Variants in TARS1 observed in about 807,000 individuals in gnomAD.
TARS1 encodes the protein threonine--tRNA ligase 1, cytoplasmic.
In TARS1, 57 loss-of-function variants were observed where a neutral mutation model predicts 97.7. The observed-to-expected ratio is 0.58, with a 90% confidence interval of 0.47 to 0.73. The LOEUF (loss-of-function observed/expected upper bound fraction) is 0.73. Among genes scored for constraint, TARS1 ranks in the 30% least tolerant of loss-of-function variants. TARS1 has a pLI of 0.00. For synonymous variants in TARS1, 312 were observed against 293.7 expected (o/e 1.06, Z -0.64); for missense variants, 806 against 888.3 (o/e 0.91, Z 1.18).
chr5:33,441,251 C>A, intron 1 of TARS1, 108 bp downstream of exon 1: 6 of 1,385,822 alleles, frequency 4.3e-6, no homozygotes, highest in Non-Finnish European at 6.1e-6. Flanking sequence ...GCCGGGACCG[C>A]GTGGGTCGGA....
intron 3 of TARS1, 35 bp from the exon 4 acceptor site, chr5:33,453,254 A>G: frequency 6.6e-7 from 1 of 1,518,556 alleles, no homozygotes; most frequent in Non-Finnish European, 8.8e-7. Context: ...GTACTTATAT[A>G]TGTGTGGACT....
At chr5:33,451,684 A>G (rs1050456612) in intron 3 of TARS1, among the ~76,000 whole-genome samples, 1 of 152,146 alleles carries the variant, frequency 6.6e-6, no homozygotes, top group African/African-American at 2.4e-5. Context: ...TTTTGTTACA[A>G]ATCTTAAAGA....
intron 3 of TARS1, chr5:33,452,251 C>G: frequency 4.0e-6 from 4 of 992,732 alleles, no homozygotes; most frequent in African/African-American, 1.6e-5. Flanking sequence ...TGCCTACCTT[C>G]GTTGAGATGT....
At chr5:33,463,665 G>A (rs2111594153) in intron 16 of TARS1, 88 bp from the exon 17 acceptor site, 1 of 1,152,390 alleles carries the variant, frequency 8.7e-7, no homozygotes, top group East Asian at 2.6e-5. Context: ...TCCAGGAAAA[G>A]ATACTGAAGA....
chr5:33,452,440 G>A lies in TARS1; in HGVS notation c.330-849G>A. The A allele has an allele frequency of 2.0e-6, 3 of 1,534,620 alleles. No individual in the cohort carries two copies. The South Asian group carries it at 3.6e-5, about 18-fold the overall frequency. On this transcript the variant is annotated intron_variant, in intron 3 of 18. Coordinates refer to ENST00000265112, the MANE Select transcript of TARS1 (RefSeq NM_152295.5). ...TGCCATGGCCTCCTCTTTTCTTCCT[G>A]TGAGTGCTTTATCCTCAAAGCCTTT...
chr5:33,463,418 ATT>A (rs1742386905), intron 16 of TARS1, among the ~76,000 whole-genome samples: 1 of 152,318 alleles, frequency 6.6e-6, no homozygotes, highest in African/African-American at 2.4e-5. Context: ...TTATTAAATC[ATT>A]TGTTACCTCC....
At position 33,467,548 on chromosome 5, in the gene TARS1, T is replaced by C; in HGVS notation, c.2024-12T>C. ...AGATTAAGTCTGACAAAGCTTTGTGTGTTTGTTTTAGTTGTTGGTGAAAAA... is the reference window on the plus strand; with the variant it reads ...AGATTAAGTCTGACAAAGCTTTGTGCGTTTGTTTTAGTTGTTGGTGAAAAA... On this transcript the variant is annotated splice_polypyrimidine_tract_variant and intron_variant, in intron 18 of 18. Coordinates refer to ENST00000265112, the MANE Select transcript of TARS1 (RefSeq NM_152295.5). 1 of 1,607,714 alleles carries C rather than the reference T, an allele frequency of 6.2e-7. No homozygotes were observed. The highest frequency in any genetic ancestry group is 1.1e-5 in the South Asian group (1 of 89,508).
intron 9 of TARS1, 145 bp downstream of exon 9, chr5:33,457,548 CT>C: frequency 1.2e-6 from 1 of 807,482 alleles, no homozygotes; most frequent in Admixed American, 2.8e-5. Flanking sequence ...CCTGTACAAA[CT>C]ATAAACACTT....
chr5:33,440,853 T>C (rs950279890), upstream of TARS1: 1 of 563,828 alleles, frequency 1.8e-6, no homozygotes, highest in Non-Finnish European at 3.2e-6. Context: ...AGAAGGGCTC[T>C]GTCACCCGAA....
At chr5:33,449,920 G>A (rs1741645123) in intron 3 of TARS1, among the ~76,000 whole-genome samples, 1 of 151,268 alleles carries the variant, frequency 6.6e-6, no homozygotes, top group Non-Finnish European at 1.5e-5. Context: ...ATGTGAATAT[G>A]TATGTATTCA....
intron 9 of TARS1, among the ~76,000 whole-genome samples, chr5:33,457,869 A>C (rs1315890574): frequency 6.7e-6 from 1 of 150,336 alleles, no homozygotes; most frequent in Non-Finnish European, 1.5e-5. Context: ...CTAAACTGGA[A>C]GTTAGGCTAG....
intron 1 of TARS1, among the ~76,000 whole-genome samples, chr5:33,444,036 A>C (rs971750535): frequency 5.9e-5 from 9 of 152,214 alleles, no homozygotes; most frequent in Admixed American, 5.9e-4. Context: ...TCAACTGATA[A>C]ATGGATAAGT....
chr5:33,458,485 C>G (rs2111564283), intron 9 of TARS1, 81 bp from the exon 10 acceptor site: 3 of 1,232,200 alleles, frequency 2.4e-6, no homozygotes, highest in East Asian at 4.9e-5. Context: ...ATTCTGAGCT[C>G]AAGAACACTG....
At chr5:33,454,567 T>A (rs913028702) in intron 4 of TARS1, among the ~76,000 whole-genome samples, 5 of 152,250 alleles carry the variant, frequency 3.3e-5, no homozygotes, top group African/African-American at 9.6e-5. Context: ...TCACAGTGTC[T>A]GAGACATGGT....
In TARS1 at chr5:33,453,356, C is replaced by T; in HGVS notation, c.397C>T (p.Leu133=). 1 of 1,611,130 alleles carries T rather than the reference C, an allele frequency of 6.2e-7. No homozygotes were observed. Among genetic ancestry groups the T allele is most frequent in the East Asian group, 2.2e-5 (1 of 44,744 alleles). ...TGTTGTGTGGGACCTGGACCGCCCTCTGGAAGAAGATTGTACCTTGGAGCT... is the reference window on the plus strand; with the variant it reads ...TGTTGTGTGGGACCTGGACCGCCCTTTGGAAGAAGATTGTACCTTGGAGCT... ...NNVVWDLDRP[L]EEDCTLELLK... is the part of the protein sequence containing the mutation. The change falls in exon 4 of 19, where the codon CTG becomes TTG. Residue 133 remains leucine, a synonymous_variant. Coordinates refer to ENST00000265112, the MANE Select transcript of TARS1 (RefSeq NM_152295.5).
chr5:33,464,168 T>G (rs952976779), intron 17 of TARS1, among the ~76,000 whole-genome samples: 8 of 152,152 alleles, frequency 5.3e-5, no homozygotes, highest in African/African-American at 1.9e-4. Context: ...CCTCCCACCT[T>G]GGCCTCCCGA....
In TARS1 at chr5:33,461,204, A is replaced by G; in HGVS notation, c.1460A>G (p.Tyr487Cys). ...KGCLDFLRTV[Y>C]SVFGFSFKLN... The stretch of plus-strand genomic sequence containing the variant: ...TGTTTGGATTTTCTACGTACGGTAT[A>G]TAGCGTATTTGGATTTTCTTTTAAA... Residue 487 changes from tyrosine to cysteine, a missense_variant, in exon 13 of 19, where the codon TAT becomes TGT. This residue lies in a region of TARS1 where 446 missense variants were observed against 511.0 expected (regional missense o/e 0.87). Transcript: ENST00000265112. 3 of 1,613,996 alleles carry G rather than the reference A, an allele frequency of 1.9e-6. No individual in the cohort carries two copies. Among genetic ancestry groups the G allele is most frequent in the Non-Finnish European group, 2.5e-6 (3 of 1,179,956 alleles).
Position 33,445,452 on chromosome 5 carries a change from C to T in TARS1, c.138+48C>T, listed in dbSNP as rs372997026. ...GCTCTGTTATCAGAGGTTGGCAAAT[C>T]GCAGGGAACTTTCTGAGACTTTCCT... On this transcript the variant is annotated intron_variant, in intron 2 of 18. Transcript: ENST00000265112. The T allele has an allele frequency of 1.1e-4, 162 of 1,539,856 alleles. 1 individual carries two copies. Among genetic ancestry groups the T allele is most frequent in the African/African-American group, 2.5e-4 (18 of 73,242 alleles).
At chr5:33,443,957 TTA>T (rs1741280902) in intron 1 of TARS1, among the ~76,000 whole-genome samples, 1 of 151,890 alleles carries the variant, frequency 6.6e-6, no homozygotes, top group African/African-American at 2.4e-5. Flanking sequence ...TATTTTAAAA[TTA>T]GTTTTTTTTT....
Sources: allele counts gnomAD v4.1 joint callset (sites outside exome capture counted in the v4.1 genomes callset), GRCh38; gene constraint gnomAD v4.1.1; regional missense constraint gnomAD v4.1.1; transcripts MANE v1.5; gene names NCBI Gene and HGNC (gene_info 2026-07-23, HGNC 2026-07-21).